NSMCE2: variants seen among roughly 807,000 people sequenced by gnomAD.
The protein encoded by NSMCE2 is NSE2 SUMO ligase component of SMC5/6 complex.
Under a neutral mutation model 23.8 loss-of-function variants are expected in NSMCE2, and 24 were observed. That is an observed-to-expected ratio of 1.01 (90% CI 0.73 to 1.42). The LOEUF is 1.42. NSMCE2 is among the 40% of genes most tolerant of loss of function. NSMCE2 has a pLI of 0.00. For missense variants in NSMCE2, 284 were observed against 296.5 expected (o/e 0.96, Z 0.31); for synonymous variants, 92 against 94.1 (o/e 0.98, Z 0.13).
In NSMCE2 at chr8:125,332,509, C is replaced by T. The variant is rs552986940; in HGVS notation, c.419-24710C>T. Among the ~76,000 whole-genome samples, 4 of 152,278 alleles carry T rather than the reference C, an allele frequency of 2.6e-5. No homozygotes were observed. In the East Asian group the frequency reaches 5.8e-4, roughly 22 times the overall value. ...GGTGCAATGCCTATAAAATAGTTAG[C>T]GTAGAAGCTGGTGCATAGTAAGCTT... is the stretch of plus-strand genomic sequence containing the variant. On this transcript the variant is annotated intron_variant, in intron 5 of 7. Transcript: ENST00000287437.
At chr8:125,124,811 T>C (rs1819436564) in intron 3 of NSMCE2, among the ~76,000 whole-genome samples, 3 of 152,018 alleles carry the variant, frequency 2.0e-5, no homozygotes, top group East Asian at 1.9e-4. Context: ...TTGTTGTTTT[T>C]TGAGACAGAG....
chr8:125,135,850 ATTG>A (rs1820041352), intron 3 of NSMCE2, among the ~76,000 whole-genome samples: 1 of 152,076 alleles, frequency 6.6e-6, no homozygotes, highest in African/African-American at 2.4e-5. Flanking sequence ...TTAGTCCTCC[ATTG>A]TTGTCTTTTT....
intron 5 of NSMCE2, among the ~76,000 whole-genome samples, chr8:125,293,631 T>C (rs1828203057): frequency 7.4e-6 from 1 of 134,360 alleles, no homozygotes; most frequent in Admixed American, 7.1e-5. Flanking sequence ...AGGATTACCC[T>C]AAACATTATG....
chr8:125,290,304 T>C (rs964597987), intron 5 of NSMCE2, among the ~76,000 whole-genome samples: 20 of 151,946 alleles, frequency 1.3e-4, no homozygotes, highest in African/African-American at 4.3e-4. Flanking sequence ...AAGGTAGCGG[T>C]AGCAAAAAAA....
At chr8:125,254,440 C>T (rs1826325082) in intron 5 of NSMCE2, among the ~76,000 whole-genome samples, 1 of 152,200 alleles carries the variant, frequency 6.6e-6, no homozygotes, top group Non-Finnish European at 1.5e-5. Flanking sequence ...TAACCATGCT[C>T]ATTCAGATTC....
At chr8:125,344,533 A>C (rs1352057325) in intron 5 of NSMCE2, among the ~76,000 whole-genome samples, 1 of 152,146 alleles carries the variant, frequency 6.6e-6, no homozygotes, top group Admixed American at 6.5e-5. Flanking sequence ...ACCTGAGGTC[A>C]GGAGTTTGAG....
intron 5 of NSMCE2, among the ~76,000 whole-genome samples, chr8:125,194,086 G>A (rs1207577736): frequency 6.6e-6 from 1 of 152,134 alleles, no homozygotes; most frequent in Non-Finnish European, 1.5e-5. Flanking sequence ...AGCTTACAAA[G>A]CACTCTCCCA....
chr8:125,237,801 C>T (rs1230781517), intron 5 of NSMCE2, among the ~76,000 whole-genome samples: 1 of 152,188 alleles, frequency 6.6e-6, no homozygotes, highest in African/African-American at 2.4e-5. Context: ...GCACAGACTG[C>T]TGGATTCCCC....
chr8:125,211,493 G>C (rs1335081559), intron 5 of NSMCE2, among the ~76,000 whole-genome samples: 1 of 152,190 alleles, frequency 6.6e-6, no homozygotes, highest in Non-Finnish European at 1.5e-5. Context: ...CCAGTCACCT[G>C]ATGGTGGGCT....
chr8:125,182,458 A>AC (rs1822876237), intron 5 of NSMCE2: 3 of 580,770 alleles, frequency 5.2e-6, no homozygotes, highest in Non-Finnish European at 9.1e-6. Context: ...GAAAGCCAAC[A>AC]GTTTCCACAA....
intron 5 of NSMCE2, among the ~76,000 whole-genome samples, chr8:125,299,831 T>TTTG (rs869027195): frequency 7.7e-6 from 1 of 130,298 alleles, no homozygotes; most frequent in East Asian, 2.0e-4. Flanking sequence ...TTTTTTTTTT[T>TTTG]GTCTTGAGAC....
intron 5 of NSMCE2, among the ~76,000 whole-genome samples, chr8:125,227,784 A>G (rs1256875217): frequency 6.6e-6 from 1 of 152,234 alleles, no homozygotes; most frequent in Non-Finnish European, 1.5e-5. Flanking sequence ...TTACCCAGAG[A>G]TAACCACATA....
chr8:125,236,263 G>A (rs532529830), intron 5 of NSMCE2, among the ~76,000 whole-genome samples: 1 of 152,158 alleles, frequency 6.6e-6, no homozygotes, highest in South Asian at 2.1e-4. Context: ...AGCTGTACGG[G>A]ATAATTATTT....
At chr8:125,166,145 T>C (rs536111503) in intron 4 of NSMCE2, among the ~76,000 whole-genome samples, 1 of 152,322 alleles carries the variant, frequency 6.6e-6, no homozygotes, top group South Asian at 2.1e-4. Flanking sequence ...TACTATTTAT[T>C]AGAAAAGTCA....
At chr8:125,112,097 A>T (rs1186822300) in intron 3 of NSMCE2, among the ~76,000 whole-genome samples, 1 of 152,210 alleles carries the variant, frequency 6.6e-6, no homozygotes, top group Non-Finnish European at 1.5e-5. Flanking sequence ...AAATAACAAT[A>T]ACCCTAAGAA....
chr8:125,295,597 G>C (rs946804045), intron 5 of NSMCE2, among the ~76,000 whole-genome samples: 3 of 152,142 alleles, frequency 2.0e-5, no homozygotes, highest in African/African-American at 7.2e-5. Flanking sequence ...TTCTGAGAGG[G>C]ACAAAGGGGG....
At chr8:125,318,006 A>G (rs528998993) in intron 5 of NSMCE2, among the ~76,000 whole-genome samples, 5 of 152,382 alleles carry the variant, frequency 3.3e-5, no homozygotes, top group East Asian at 3.9e-4. Flanking sequence ...TTACAAATCA[A>G]TGTGAAAATG....
chr8:125,104,774 T>C (rs1818376438), intron 3 of NSMCE2, among the ~76,000 whole-genome samples: 1 of 152,154 alleles, frequency 6.6e-6, no homozygotes, highest in Non-Finnish European at 1.5e-5. Flanking sequence ...TGGTGGCTCC[T>C]ACCTGTAATC....
chr8:125,168,528 A>G (rs1472400245), intron 4 of NSMCE2, among the ~76,000 whole-genome samples: 2 of 152,234 alleles, frequency 1.3e-5, no homozygotes. Flanking sequence ...AGGTGCTGGC[A>G]TGTTCAGCAT....
Sources: gnomAD v4.1 joint callset for allele counts (sites outside exome capture counted in the v4.1 genomes callset) on GRCh38, gnomAD v4.1.1 for gene constraint, MANE v1.5 for transcripts, NCBI Gene and HGNC (gene_info 2026-07-23, HGNC 2026-07-21) for gene names.